Variants in TAFA1 observed in about 807,000 individuals in gnomAD.
TAFA1 encodes the protein TAFA chemokine like family member 1.
Under a neutral mutation model 18.5 loss-of-function variants are expected in TAFA1, and 4 were observed. The observed-to-expected ratio is 0.22, with a 90% CI of 0.11 to 0.49. The LOEUF is 0.49. Ranked by LOEUF, TAFA1 falls within the 20% of genes least tolerant of loss-of-function variation. The probability of loss-of-function intolerance (pLI) is 0.98; values close to 1 mark genes in which losing one functional copy is unlikely to be tolerated. For synonymous variants in TAFA1, 56 were observed against 55.2 expected (o/e 1.01, Z -0.06); for missense variants, 147 against 169.0 (o/e 0.87, Z 0.72).
chr3:68,146,875 G>A (rs1291168894), intron 2 of TAFA1, among the ~76,000 whole-genome samples: 1 of 152,058 alleles, frequency 6.6e-6, no homozygotes, highest in East Asian at 1.9e-4. Flanking sequence ...GAAGTGGTAA[G>A]CCTACCTTTA....
chr3:68,244,363 T>C (rs1559573620), intron 2 of TAFA1, among the ~76,000 whole-genome samples: 1 of 152,178 alleles, frequency 6.6e-6, no homozygotes, highest in African/African-American at 2.4e-5. Flanking sequence ...CCTATTTTTT[T>C]TCTAGAGATT....
At chr3:68,372,093 C>T (rs1575813119) in intron 2 of TAFA1, among the ~76,000 whole-genome samples, 1 of 152,250 alleles carries the variant, frequency 6.6e-6, no homozygotes, top group Non-Finnish European at 1.5e-5. Context: ...GATAAAAGTG[C>T]CTCCTTATTT....
At chr3:68,151,923 C>T (rs1287363847) in intron 2 of TAFA1, among the ~76,000 whole-genome samples, 5 of 152,166 alleles carry the variant, frequency 3.3e-5, no homozygotes, top group Non-Finnish European at 7.4e-5. Context: ...ATTAGTTTAT[C>T]TGAGAAGCTC....
upstream of TAFA1, among the ~76,000 whole-genome samples, chr3:68,003,167 TG>T (rs1459453708): frequency 2.0e-5 from 3 of 152,256 alleles, no homozygotes; most frequent in African/African-American, 7.2e-5. Context: ...AGAGCTATTA[TG>T]TGTGTTTTGT....
chr3:68,205,771 C>T (rs1193889295), intron 2 of TAFA1, among the ~76,000 whole-genome samples: 1 of 151,886 alleles, frequency 6.6e-6, no homozygotes, highest in East Asian at 2.0e-4. Flanking sequence ...GGAAAAAGAA[C>T]AATTAGTCAC....
chr3:68,364,682 T>C (rs1453816641), intron 2 of TAFA1, among the ~76,000 whole-genome samples: 1 of 152,218 alleles, frequency 6.6e-6, no homozygotes, highest in Non-Finnish European at 1.5e-5. Flanking sequence ...TTCTGTTTTT[T>C]CATTGTAAAT....
chr3:68,192,871 T>G (rs2107017734), intron 2 of TAFA1, among the ~76,000 whole-genome samples: 1 of 151,768 alleles, frequency 6.6e-6, no homozygotes, highest in African/African-American at 2.4e-5. Context: ...AGGAATTTAC[T>G]CAGGAATGGA....
intron 2 of TAFA1, among the ~76,000 whole-genome samples, chr3:68,324,829 G>A (rs1056682045): frequency 1.3e-5 from 2 of 152,138 alleles, no homozygotes; most frequent in African/African-American, 4.8e-5. Flanking sequence ...GCAGTAATTA[G>A]CAAAGAAATA....
chr3:68,203,805 C>G (rs538225289), intron 2 of TAFA1, among the ~76,000 whole-genome samples: 1 of 151,746 alleles, frequency 6.6e-6, no homozygotes, highest in South Asian at 2.1e-4. Context: ...TAATGGTATA[C>G]TTGGTTAAGA....
chr3:68,146,227 T>C (rs2106911881), intron 2 of TAFA1, among the ~76,000 whole-genome samples: 1 of 152,294 alleles, frequency 6.6e-6, no homozygotes, highest in East Asian at 1.9e-4. Flanking sequence ...GGGTCTAAGA[T>C]GGGGGACCCT....
intron 2 of TAFA1, among the ~76,000 whole-genome samples, chr3:68,258,935 G>T (rs971152747): frequency 1.3e-5 from 2 of 152,198 alleles, no homozygotes; most frequent in Non-Finnish European, 2.9e-5. Flanking sequence ...ATCAGGTTCT[G>T]CTGGATTCTG....
At chr3:68,360,131 T>A (rs2069442361) in intron 2 of TAFA1, among the ~76,000 whole-genome samples, 1 of 151,974 alleles carries the variant, frequency 6.6e-6, no homozygotes, top group African/African-American at 2.4e-5. Flanking sequence ...TAACCAACTT[T>A]GATGGCACTT....
Position 68,004,266 on chromosome 3 carries a change from C to T in TAFA1, c.-440C>T, listed in dbSNP as rs1704319766. 1 of 152,192 alleles carries T rather than the reference C, an allele frequency of 6.6e-6. No homozygotes were observed. The highest frequency in any genetic ancestry group is 1.5e-5 in the Non-Finnish European group (1 of 68,052). 9.4% of individuals were successfully genotyped at this position (152,192 alleles called of 1,614,324 possible). A position where few individuals can be genotyped will look rare whatever the true frequency, so the allele number is the denominator to read the frequency against. On this transcript the variant is annotated 5_prime_UTR_variant, in exon 1 of 5. Coordinates refer to ENST00000478136, the MANE Select transcript of TAFA1 (RefSeq NM_213609.4). ...TGAAACAGACTACTGCTACTTACAG[C>T]ACCGTATAGCAGCCCTGCTCCTACA...
At chr3:68,244,057 G>A (rs77248659) in intron 2 of TAFA1, among the ~76,000 whole-genome samples, 5,380 of 152,094 alleles carry the variant, frequency 0.035, 144 homozygotes, top group Non-Finnish European at 0.054. Flanking sequence ...ACATCTTTTC[G>A]TATGCTTGGT....
At chr3:68,038,760 GT>G (rs1235849858) in intron 2 of TAFA1, among the ~76,000 whole-genome samples, 1 of 152,096 alleles carries the variant, frequency 6.6e-6, no homozygotes, top group African/African-American at 2.4e-5. Context: ...AACAACCCTA[GT>G]TTCTTAGAGA....
chr3:68,416,304 G>A (rs2070836905), intron 2 of TAFA1, among the ~76,000 whole-genome samples: 1 of 152,078 alleles, frequency 6.6e-6, no homozygotes. Flanking sequence ...CTATGTACAG[G>A]AGATGTATTC....
chr3:68,484,314 CACTGTGACT>C (rs1472734216), intron 3 of TAFA1, among the ~76,000 whole-genome samples: 1 of 152,132 alleles, frequency 6.6e-6, no homozygotes, highest in African/African-American at 2.4e-5. Context: ...TTAGAAAGAT[CACTGTGACT>C]ACTGAGTAGG....
chr3:68,052,183 G>A (rs568315869), intron 2 of TAFA1, among the ~76,000 whole-genome samples: 1 of 152,150 alleles, frequency 6.6e-6, no homozygotes, highest in Non-Finnish European at 1.5e-5. Context: ...ATTGTTAATA[G>A]CTCTTTGCTG....
rs2073428218 is a variant in TAFA1 at position 68,544,663 on chromosome 3, C to T, written c.*160C>T. On this transcript the variant is annotated 3_prime_UTR_variant, in exon 5 of 5. Coordinates refer to ENST00000478136, the MANE Select transcript of TAFA1 (RefSeq NM_213609.4). ...CGTTTACTGTGTGTAACGAAATATC[C>T]TACAGTGAGAAGACACAGCGTTTTG... The T allele has an allele frequency of 1.5e-6, 1 of 671,160 alleles. No individual in the cohort carries two copies. Among genetic ancestry groups the T allele is most frequent in the Admixed American group, 2.8e-5 (1 of 35,294 alleles). The allele number at this position is 671,160 out of a possible 1,614,324, so 41.6% of individuals were successfully genotyped here.
Sources: allele counts gnomAD v4.1 joint callset (sites outside exome capture counted in the v4.1 genomes callset), GRCh38; gene constraint gnomAD v4.1.1; transcripts MANE v1.5; gene names NCBI Gene and HGNC (gene_info 2026-07-23, HGNC 2026-07-21).